The following ZNF277 variants were observed in gnomAD, a reference collection of about 807,000 sequenced individuals.
ZNF277 encodes nuclear receptor-interacting factor 4.
ZNF277 carries 55 observed loss-of-function variants against 60.7 expected under a neutral mutation model. The observed-to-expected ratio is 0.91, with a 90% CI of 0.73 to 1.13. ZNF277 has a LOEUF of 1.13. ZNF277 is among the 50% of genes most tolerant of loss of function. The pLI is 0.00. For synonymous variants in ZNF277, 178 were observed against 179.3 expected, an observed-to-expected ratio of 0.99 and a Z score of 0.06; for missense variants, 510 against 523.0, an observed-to-expected ratio of 0.98 and a Z score of 0.24.
At position 112,336,127 on chromosome 7, in the gene ZNF277, A is replaced by G; in HGVS notation, c.825A>G (p.Glu275=). ...AGGAACTTGGAAAATCGTGGGAAGA[A>G]GTTCAGTTGGAAGATGATCGGGAGT... ...NYLELGKSWE[E]VQLEDDRELL... Residue 275 remains glutamate, a synonymous_variant, in exon 8 of 12, where the codon GAA becomes GAG. Coordinates refer to ENST00000361822, the MANE Select transcript of ZNF277 (RefSeq NM_021994.3). The G allele has an allele frequency of 6.2e-7, 1 of 1,610,236 alleles. No homozygotes were observed. Among genetic ancestry groups the G allele is most frequent in the Non-Finnish European group, 8.5e-7 (1 of 1,177,998 alleles).
At chr7:112,327,574 C>A in intron 5 of ZNF277, 143 bp from the exon 6 acceptor site, 1 of 643,994 alleles carries the variant, frequency 1.6e-6, no homozygotes, top group Non-Finnish European at 2.7e-6. Context: ...TAATGTCACT[C>A]TTTAATAGCT....
intron 1 of ZNF277, among the ~76,000 whole-genome samples, chr7:112,242,124 A>G (rs1386561498): frequency 6.6e-6 from 1 of 152,146 alleles, no homozygotes; most frequent in African/African-American, 2.4e-5. Context: ...AAATAAACAC[A>G]TATACTGTTT....
chr7:112,267,671 A>G (rs1791580537), intron 1 of ZNF277, among the ~76,000 whole-genome samples: 1 of 151,752 alleles, frequency 6.6e-6, no homozygotes, highest in Admixed American at 6.6e-5. Context: ...TTTCCATTTT[A>G]TCTATTCCTT....
At chr7:112,252,369 T>C (rs1791217790) in intron 1 of ZNF277, among the ~76,000 whole-genome samples, 1 of 152,202 alleles carries the variant, frequency 6.6e-6, no homozygotes, top group South Asian at 2.1e-4. Context: ...TTAAGCATTT[T>C]GTTAAAAGAG....
At chr7:112,272,543 G>T (rs1434037465) in intron 1 of ZNF277, among the ~76,000 whole-genome samples, 1 of 152,048 alleles carries the variant, frequency 6.6e-6, no homozygotes, top group Admixed American at 6.6e-5. Flanking sequence ...GCCCAGGCTG[G>T]AGTGCAATGG....
chr7:112,215,760 A>G (rs1448645389), intron 1 of ZNF277, among the ~76,000 whole-genome samples: 2 of 152,172 alleles, frequency 1.3e-5, no homozygotes, highest in Non-Finnish European at 2.9e-5. Context: ...CCTCCCTGCA[A>G]GTAATCACAG....
intron 4 of ZNF277, among the ~76,000 whole-genome samples, chr7:112,308,764 A>G (rs926949362): frequency 2.6e-5 from 4 of 152,272 alleles, no homozygotes; most frequent in African/African-American, 7.2e-5. Context: ...CTGTAAAACA[A>G]AAGACAGATT....
chr7:112,291,800 C>T (rs1012578505), intron 2 of ZNF277, among the ~76,000 whole-genome samples: 5 of 152,168 alleles, frequency 3.3e-5, no homozygotes, highest in Admixed American at 2.6e-4. Flanking sequence ...TGTTTCTTTA[C>T]TCAAATTTAG....
intron 1 of ZNF277, among the ~76,000 whole-genome samples, chr7:112,250,539 C>T (rs985505060): frequency 3.3e-5 from 5 of 152,090 alleles, no homozygotes; most frequent in Admixed American, 1.3e-4. Flanking sequence ...CAGAACCTAC[C>T]GACATGTGAT....
intron 1 of ZNF277, among the ~76,000 whole-genome samples, chr7:112,220,153 A>T (rs1821987550): frequency 6.6e-6 from 1 of 152,192 alleles, no homozygotes; most frequent in African/African-American, 2.4e-5. Flanking sequence ...AGTACTGTGG[A>T]CATTTTAATA....
At chr7:112,211,465 C>G (rs542111705) in intron 1 of ZNF277, among the ~76,000 whole-genome samples, 1 of 152,308 alleles carries the variant, frequency 6.6e-6, no homozygotes, top group Non-Finnish European at 1.5e-5. Context: ...CTCTTGAGAA[C>G]CAGTTGTATG....
intron 1 of ZNF277, among the ~76,000 whole-genome samples, chr7:112,278,628 T>TG (rs1353741355): frequency 6.6e-6 from 1 of 152,164 alleles, no homozygotes; most frequent in Non-Finnish European, 1.5e-5. Flanking sequence ...TTTTATGTTG[T>TG]GGAAACAGGC....
At chr7:112,315,047 T>C (rs1169700132) in intron 4 of ZNF277, among the ~76,000 whole-genome samples, 1 of 152,106 alleles carries the variant, frequency 6.6e-6, no homozygotes, top group East Asian at 1.9e-4. Flanking sequence ...AAACATACTT[T>C]TAAAATATAT....
At chr7:112,300,523 A>G (rs1053140226) in intron 4 of ZNF277, among the ~76,000 whole-genome samples, 1 of 152,178 alleles carries the variant, frequency 6.6e-6, no homozygotes, top group Admixed American at 6.5e-5. Context: ...TCACCTGTTC[A>G]GGGCATGCAC....
intron 1 of ZNF277, among the ~76,000 whole-genome samples, chr7:112,259,660 A>G (rs1215931938): frequency 6.6e-6 from 1 of 152,210 alleles, no homozygotes; most frequent in Admixed American, 6.5e-5. Flanking sequence ...AGAAAGAAAA[A>G]GGCAGCTTTA....
chr7:112,225,535 C>A (rs1237633761), intron 1 of ZNF277, among the ~76,000 whole-genome samples: 1 of 152,098 alleles, frequency 6.6e-6, no homozygotes, highest in East Asian at 1.9e-4. Context: ...ATAATTTTCT[C>A]ATTTATATTT....
At chr7:112,301,568 G>A (rs1345016641) in intron 4 of ZNF277, among the ~76,000 whole-genome samples, 1 of 152,042 alleles carries the variant, frequency 6.6e-6, no homozygotes, top group African/African-American at 2.4e-5. Flanking sequence ...AAGTATGTTA[G>A]GTACTTTCAG....
At chr7:112,295,789 T>C (rs1792310901) in intron 2 of ZNF277, 80 bp from the exon 3 acceptor site, 13 of 1,110,882 alleles carry the variant, frequency 1.2e-5, no homozygotes, top group Non-Finnish European at 1.7e-5. Flanking sequence ...GATGAGTGAA[T>C]GTGCTTATAG....
At chr7:112,321,836 T>G (rs865804810) in intron 5 of ZNF277, among the ~76,000 whole-genome samples, 1 of 152,144 alleles carries the variant, frequency 6.6e-6, no homozygotes, top group South Asian at 2.1e-4. Flanking sequence ...TAATTTCTGG[T>G]GAGAAATCAC....
Sources: allele counts gnomAD v4.1 joint callset (sites outside exome capture counted in the v4.1 genomes callset), GRCh38; gene constraint gnomAD v4.1.1; transcripts MANE v1.5; gene names NCBI Gene and HGNC (gene_info 2026-07-23, HGNC 2026-07-21).